Variants in RALGPS1 observed in about 807,000 individuals in gnomAD.
RALGPS1 encodes the protein Ral GEF with PH domain and SH3 binding motif 1.
RALGPS1 carries 19 observed loss-of-function variants against 78.8 expected under a neutral mutation model. The observed-to-expected ratio is 0.24, with a 90% CI of 0.17 to 0.35. RALGPS1 has a LOEUF of 0.35. Ranked by LOEUF, RALGPS1 falls within the 10% of genes least tolerant of loss-of-function variation. RALGPS1 has a pLI of 1.00. For synonymous variants in RALGPS1, 228 were observed against 256.3 expected (o/e 0.89, Z 1.06); for missense variants, 454 against 688.3 (o/e 0.66, Z 3.81).
intron 4 of RALGPS1, among the ~76,000 whole-genome samples, chr9:127,013,617 T>G (rs1016707952): frequency 3.3e-5 from 5 of 152,130 alleles, no homozygotes; most frequent in African/African-American, 1.2e-4. Context: ...CACCCATGTC[T>G]GCCCCATCCC....
intron 6 of RALGPS1, among the ~76,000 whole-genome samples, chr9:127,050,516 T>C (rs2048211776): frequency 6.6e-6 from 1 of 152,164 alleles, no homozygotes; most frequent in African/African-American, 2.4e-5. Flanking sequence ...GCATCAATGC[T>C]CAATGCTTGT....
At chr9:127,139,870 C>T (rs1057511951) in intron 8 of RALGPS1, among the ~76,000 whole-genome samples, 1 of 152,178 alleles carries the variant, frequency 6.6e-6, no homozygotes, top group African/African-American at 2.4e-5. Context: ...AGTCTGAGTT[C>T]AGGGGTTTGA....
chr9:127,118,573 G>A (rs1356264376), intron 8 of RALGPS1, among the ~76,000 whole-genome samples: 1 of 152,202 alleles, frequency 6.6e-6, no homozygotes, highest in Non-Finnish European at 1.5e-5. Flanking sequence ...AGAGACCGTG[G>A]GAGAGGTGCT....
rs1048883148 is a variant in RALGPS1, at chr9:127,002,227, C to G, written c.216+24482C>G. 4.6e-5 allele frequency among the ~76,000 whole-genome samples: 7 copies of G among 152,176 alleles called. No individual in the cohort carries two copies. In the South Asian group the frequency reaches 1.5e-3, roughly 32 times the overall value. On this transcript the variant is annotated intron_variant, in intron 4 of 18. Coordinates refer to ENST00000259351, the MANE Select transcript of RALGPS1 (RefSeq NM_014636.3). ...TATAAATAGAATCATAAAATACGTA[C>G]ATTTTGTCTGGCTTCTTTCACTTAA...
chr9:127,214,087 C>T (rs1047018068), intron 17 of RALGPS1: 1 of 152,164 alleles, frequency 6.6e-6, no homozygotes, highest in Non-Finnish European at 1.5e-5. Context: ...TTTCTTCCTC[C>T]CTCAACAGTC....
chr9:127,178,437 T>C, intron 11 of RALGPS1: 1 of 1,054,626 alleles, frequency 9.5e-7, no homozygotes. Context: ...CAGGGTAGTG[T>C]TGTTATTAGC....
intron 1 of RALGPS1, among the ~76,000 whole-genome samples, chr9:126,951,979 A>G (rs1001969178): frequency 6.6e-6 from 1 of 152,256 alleles, no homozygotes; most frequent in Non-Finnish European, 1.5e-5. Context: ...AAGTCTCAGG[A>G]TACAAAATCT....
chr9:126,990,006 C>G (rs960292439), intron 4 of RALGPS1: 9 of 1,550,006 alleles, frequency 5.8e-6, no homozygotes, highest in Non-Finnish European at 7.8e-6. Context: ...GAACCTGACC[C>G]TCTGGCCTTT....
intron 3 of RALGPS1, among the ~76,000 whole-genome samples, chr9:126,967,640 G>C (rs1345373724): frequency 6.6e-6 from 1 of 151,990 alleles, no homozygotes; most frequent in African/African-American, 2.4e-5. Flanking sequence ...TGGCTCAAGT[G>C]ATCCTCCTGC....
At chr9:127,047,764 A>G (rs1271805017) in intron 5 of RALGPS1, among the ~76,000 whole-genome samples, 3 of 150,834 alleles carry the variant, frequency 2.0e-5, no homozygotes, top group Non-Finnish European at 2.9e-5. Context: ...ATGTTGGTCT[A>G]TATGTGAGAC....
intron 9 of RALGPS1, among the ~76,000 whole-genome samples, chr9:127,168,464 G>A (rs1423448201): frequency 6.6e-6 from 1 of 152,134 alleles, no homozygotes; most frequent in Non-Finnish European, 1.5e-5. Flanking sequence ...CCGGTCATCT[G>A]GGGGGTACTC....
At chr9:126,982,692 C>T (rs918003296) in intron 4 of RALGPS1, among the ~76,000 whole-genome samples, 1 of 152,110 alleles carries the variant, frequency 6.6e-6, no homozygotes, top group Non-Finnish European at 1.5e-5. Context: ...CTTCCTGCCT[C>T]AGCCCCCTGC....
intron 4 of RALGPS1, among the ~76,000 whole-genome samples, chr9:127,004,113 C>T (rs530409232): frequency 7.9e-5 from 12 of 152,098 alleles, no homozygotes; most frequent in Middle Eastern, 3.4e-3. Context: ...TTTTCTTTCT[C>T]TTCTTTCTTC....
chr9:127,202,177 C>T (rs2061670022), intron 14 of RALGPS1, among the ~76,000 whole-genome samples: 1 of 152,210 alleles, frequency 6.6e-6, no homozygotes, highest in South Asian at 2.1e-4. Flanking sequence ...CAGGAAGACC[C>T]CAGGCCAGTT....
chr9:127,083,818 A>G (rs2051409946), intron 8 of RALGPS1, among the ~76,000 whole-genome samples: 1 of 152,192 alleles, frequency 6.6e-6, no homozygotes, highest in South Asian at 2.1e-4. Context: ...CTCATTCCAG[A>G]CAGTCCAGTG....
chr9:127,011,475 G>T (rs2044339880), intron 4 of RALGPS1, among the ~76,000 whole-genome samples: 2 of 152,134 alleles, frequency 1.3e-5, no homozygotes, highest in South Asian at 4.1e-4. Flanking sequence ...ACTGTGCCTG[G>T]CCAAGAGCCC....
In RALGPS1 at chr9:127,222,479, C is replaced by G. The variant is rs1240500328; in HGVS notation, c.*3710C>G. On this transcript the variant is annotated 3_prime_UTR_variant, in exon 19 of 19. Coordinates refer to ENST00000259351, the MANE Select transcript of RALGPS1 (RefSeq NM_014636.3). ...CTCCATAGGTTTCTGTTTTTAATTT[C>G]AATGTTAAATACAACTACAATATGA... The G allele has an allele frequency of 6.6e-6, 1 of 152,206 alleles. No homozygotes were observed. The highest frequency in any genetic ancestry group is 1.5e-5 in the Non-Finnish European group (1 of 68,040). The allele number at this position is 152,206 out of a possible 1,614,324, so 9.4% of individuals were successfully genotyped here.
intron 8 of RALGPS1, among the ~76,000 whole-genome samples, chr9:127,097,153 GGT>G (rs770908680): frequency 3.3e-5 from 5 of 152,126 alleles, no homozygotes; most frequent in Admixed American, 2.6e-4. Context: ...TCTTTGTCGA[GGT>G]GTAAAACTTT....
intron 4 of RALGPS1, among the ~76,000 whole-genome samples, chr9:126,994,310 A>G (rs988264935): frequency 6.6e-6 from 1 of 152,208 alleles, no homozygotes; most frequent in Non-Finnish European, 1.5e-5. Context: ...GATAACTAGA[A>G]TAACCAATGC....
Sources: gnomAD v4.1 joint callset for allele counts (sites outside exome capture counted in the v4.1 genomes callset) on GRCh38, gnomAD v4.1.1 for gene constraint, MANE v1.5 for transcripts, NCBI Gene and HGNC (gene_info 2026-07-23, HGNC 2026-07-21) for gene names.